Variants in SCHIP1 observed in about 807,000 individuals in gnomAD.
The protein encoded by SCHIP1 is schwannomin-interacting protein 1.
SCHIP1 carries 8 observed loss-of-function variants against 29.7 expected under a neutral mutation model. The ratio of observed to expected loss-of-function variants is 0.27; its 90% CI spans 0.16 to 0.49. SCHIP1 has a LOEUF of 0.49. SCHIP1 is among the 20% of genes least tolerant of loss of function. The pLI, the probability that SCHIP1 is intolerant of heterozygous loss-of-function variation, is 0.99. For missense variants in SCHIP1, 193 were observed against 294.6 expected (o/e 0.66, Z 2.52); for synonymous variants, 76 against 94.9 (o/e 0.80, Z 1.16).
the SCHIP1 span, among the ~76,000 whole-genome samples, chr3:159,404,536 G>A: frequency 6.6e-6 from 1 of 152,114 alleles, no homozygotes; most frequent in African/African-American, 2.4e-5. Context: ...TGGCCATGAG[G>A]AGTGACTCCT....
the SCHIP1 span, among the ~76,000 whole-genome samples, chr3:159,478,817 C>T: frequency 1.3e-5 from 2 of 151,994 alleles, no homozygotes. Context: ...TGTTGTTGTT[C>T]CTATTGTAAA....
At chr3:159,292,853 T>G in the SCHIP1 span, among the ~76,000 whole-genome samples, 2 of 152,230 alleles carry the variant, frequency 1.3e-5, no homozygotes, top group African/African-American at 4.8e-5. Context: ...GGTTTTGTTT[T>G]AGGGAATCAT....
the SCHIP1 span, among the ~76,000 whole-genome samples, chr3:159,359,800 T>C: frequency 6.6e-6 from 1 of 152,194 alleles, no homozygotes; most frequent in African/African-American, 2.4e-5. Flanking sequence ...AAGGGCTGAA[T>C]GCTACTCTAA....
the SCHIP1 span, among the ~76,000 whole-genome samples, chr3:159,603,818 G>C: frequency 6.6e-6 from 1 of 152,262 alleles, no homozygotes; most frequent in East Asian, 1.9e-4. Flanking sequence ...TCAACATCTA[G>C]GGGCTGTATC....
At chr3:159,668,527 G>A in the SCHIP1 span, among the ~76,000 whole-genome samples, 3 of 152,062 alleles carry the variant, frequency 2.0e-5, no homozygotes, top group African/African-American at 7.3e-5. Context: ...AGGAAACCTG[G>A]AGGACCAGGT....
At chr3:159,731,870 AT>A in the SCHIP1 span, among the ~76,000 whole-genome samples, 2,027 of 148,160 alleles carry the variant, frequency 0.014, 42 homozygotes, top group African/African-American at 0.043. Context: ...TTATCCAGGA[AT>A]TTTTTTTTTT....
At chr3:159,432,329 TGTGTGTGTGTGA>T in the SCHIP1 span, among the ~76,000 whole-genome samples, 553 of 99,892 alleles carry the variant, frequency 5.5e-3, 4 homozygotes, top group African/African-American at 0.013. Context: ...TGTGTGTGTG[TGTGTGTGTGTGA>T]GAGAGAGAGA....
At chr3:159,746,249 A>G in the SCHIP1 span, among the ~76,000 whole-genome samples, 12 of 152,334 alleles carry the variant, frequency 7.9e-5, 1 homozygote, top group Admixed American at 5.9e-4. Flanking sequence ...TCATCCTATC[A>G]TTGTCTTGTC....
the SCHIP1 span, among the ~76,000 whole-genome samples, chr3:159,620,409 C>T: frequency 6.6e-6 from 1 of 152,120 alleles, no homozygotes; most frequent in South Asian, 2.1e-4. Context: ...ATGGCATGTT[C>T]CTTTGAAGAT....
At chr3:159,793,189 T>C in the SCHIP1 span, among the ~76,000 whole-genome samples, 1 of 152,156 alleles carries the variant, frequency 6.6e-6, no homozygotes, top group Non-Finnish European at 1.5e-5. Context: ...CACCATAAGA[T>C]TCTGATTTAT....
the SCHIP1 span, among the ~76,000 whole-genome samples, chr3:159,586,033 G>A: frequency 3.3e-5 from 5 of 151,996 alleles, no homozygotes; most frequent in Non-Finnish European, 7.4e-5. Context: ...TCAGCTCTAA[G>A]ATAACTAAAC....
At chr3:159,444,240 A>G in the SCHIP1 span, among the ~76,000 whole-genome samples, 1 of 152,078 alleles carries the variant, frequency 6.6e-6, no homozygotes, top group Non-Finnish European at 1.5e-5. Flanking sequence ...CACTGAGAGG[A>G]GAGGAAGCAT....
chr3:159,780,089 C>T, the SCHIP1 span, among the ~76,000 whole-genome samples: 60 of 152,190 alleles, frequency 3.9e-4, no homozygotes, highest in African/African-American at 1.4e-3. Context: ...AGAGTAATTA[C>T]AAGTAGCTGA....
At chr3:159,421,237 T>G in the SCHIP1 span, among the ~76,000 whole-genome samples, 1 of 152,242 alleles carries the variant, frequency 6.6e-6, no homozygotes, top group African/African-American at 2.4e-5. Context: ...TTCATTATTT[T>G]CTTACCTAGC....
At chr3:159,799,476 C>T in the SCHIP1 span, among the ~76,000 whole-genome samples, 1 of 152,254 alleles carries the variant, frequency 6.6e-6, no homozygotes, top group Non-Finnish European at 1.5e-5. Context: ...CTCCTTGCTG[C>T]CTTCTTGAGG....
chr3:159,688,363 T>A, the SCHIP1 span, among the ~76,000 whole-genome samples: 1 of 152,202 alleles, frequency 6.6e-6, no homozygotes, highest in Non-Finnish European at 1.5e-5. Flanking sequence ...GATGATGAGC[T>A]TTTTTTCATA....
chr3:159,412,779 G>A, the SCHIP1 span, among the ~76,000 whole-genome samples: 2 of 152,146 alleles, frequency 1.3e-5, no homozygotes, highest in Non-Finnish European at 2.9e-5. Flanking sequence ...CAGGAAAGCA[G>A]TTCTACTAAA....
the SCHIP1 span, among the ~76,000 whole-genome samples, chr3:159,505,821 A>T: frequency 6.6e-6 from 1 of 152,206 alleles, no homozygotes; most frequent in African/African-American, 2.4e-5. Context: ...TTATGGCTGC[A>T]TAGTAGTCCA....
the SCHIP1 span, among the ~76,000 whole-genome samples, chr3:159,800,778 C>G: frequency 6.6e-6 from 1 of 151,896 alleles, no homozygotes; most frequent in South Asian, 2.1e-4. Context: ...AATTCATATG[C>G]CTTTAATACA....
Sources: gnomAD v4.1 joint callset for allele counts (sites outside exome capture counted in the v4.1 genomes callset) on GRCh38, gnomAD v4.1.1 for gene constraint, MANE v1.5 for transcripts, NCBI Gene and HGNC (gene_info 2026-07-23, HGNC 2026-07-21) for gene names.